TET2: variants seen among roughly 807,000 people sequenced by gnomAD.
TET2 encodes methylcytosine dioxygenase TET2.
A neutral mutation model predicts 142.9 loss-of-function variants in TET2; 299 were observed. The ratio of observed to expected loss-of-function variants is 2.09; its 90% confidence interval spans 1.90 to 2.30. The LOEUF is 2.30. Among genes scored for constraint, TET2 ranks in the 30% most tolerant of loss-of-function variants. TET2 has a pLI of 0.00. For missense variants in TET2, 2,418 were observed against 2,378.0 expected (o/e 1.02, Z -0.35); for synonymous variants, 819 against 849.0 (o/e 0.96, Z 0.61).
chr4:105,220,207 C>A (rs540527743), intron 2 of TET2, among the ~76,000 whole-genome samples: 1 of 152,008 alleles, frequency 6.6e-6, no homozygotes, highest in Non-Finnish European at 1.5e-5. Context: ...ATTATTAGAA[C>A]CCATTTGTTG....
At chr4:105,157,291 A>C (rs970374632) in intron 1 of TET2, among the ~76,000 whole-genome samples, 2 of 152,194 alleles carry the variant, frequency 1.3e-5, no homozygotes, top group African/African-American at 2.4e-5. Flanking sequence ...AAAAAATCTC[A>C]CAACTAAAGA....
rs1553914144 is a variant in TET2, at chr4:105,236,187, CAAAT to C, written c.2249_2252del (p.Ile750ArgfsTer62). The C allele has an allele frequency of 1.2e-6, 2 of 1,613,858 alleles. No homozygotes were observed. Among genetic ancestry groups the C allele is most frequent in the Non-Finnish European group, 1.7e-6 (2 of 1,179,980 alleles). On this transcript the variant is annotated frameshift_variant, in exon 3 of 11. Coordinates refer to ENST00000380013, the MANE Select transcript of TET2 (RefSeq NM_001127208.3). LOFTEE classifies it high-confidence loss of function. ...AAACCAGCAACAGCAGCAAAAATTA[CAAAT>C]AAAGAATAAAGAGGAAATACTCCAG...
intron 1 of TET2, among the ~76,000 whole-genome samples, chr4:105,184,659 A>G (rs1019270619): frequency 6.6e-6 from 1 of 152,192 alleles, no homozygotes; most frequent in African/African-American, 2.4e-5. Flanking sequence ...CAAGTAGCTG[A>G]CATTCTGAAA....
chr4:105,160,759 G>T (rs983887717), intron 1 of TET2, among the ~76,000 whole-genome samples: 25 of 151,338 alleles, frequency 1.7e-4, no homozygotes, highest in African/African-American at 3.9e-4. Context: ...TTTTTTGGGG[G>T]TTTTTTGGTT....
rs1188062738 is a variant in TET2, at chr4:105,235,449, G to A, written c.1507G>A (p.Glu503Lys). ...GACAATGACTGTTCCATTGTGTTCT[G>A]AGAAAACAAGACCAATGTCAGAACA... ...AGTMTVPLCS[E>K]KTRPMSEHLK... Residue 503 changes from glutamate (E) to lysine (K), a missense_variant, in exon 3 of 11, where the codon GAG becomes AAG. Glu to Lys is a moderately conservative substitution (Grantham distance 56). Transcript: ENST00000380013. 6.2e-7 allele frequency: 1 copy of A among 1,614,154 alleles called. No homozygotes were observed. Among genetic ancestry groups the A allele is most frequent in the South Asian group, 1.1e-5 (1 of 91,082 alleles).
chr4:105,259,573 A>C, intron 6 of TET2, 46 bp from the exon 7 acceptor site: 1 of 1,540,914 alleles, frequency 6.5e-7, no homozygotes, highest in Non-Finnish European at 8.8e-7. Flanking sequence ...TGCACAGCCT[A>C]TATAATGCTA....
chr4:105,261,372 A>C (rs555179859), intron 7 of TET2, among the ~76,000 whole-genome samples: 3 of 152,252 alleles, frequency 2.0e-5, no homozygotes, highest in African/African-American at 7.2e-5. Context: ...TAAACATAAA[A>C]TGTAAAGATT....
intron 2 of TET2, among the ~76,000 whole-genome samples, chr4:105,199,710 T>G (rs1180360249): frequency 6.6e-6 from 1 of 152,148 alleles, no homozygotes; most frequent in Non-Finnish European, 1.5e-5. Context: ...CACCCTCTGA[T>G]AGGCCCCGGT....
Position 105,236,226 on chromosome 4 carries a change from C to T in TET2, c.2284C>T (p.His762Tyr), listed in dbSNP as rs1728886767. 2 of 1,614,124 alleles carry T rather than the reference C, an allele frequency of 1.2e-6. No homozygotes were observed. The highest frequency in any genetic ancestry group is 1.7e-6 in the Non-Finnish European group (2 of 1,180,026). The change falls in exon 3 of 11, where the codon CAC becomes TAC. Residue 762 changes from histidine (H) to tyrosine (Y), a missense_variant. Physicochemically the swap from His to Tyr is moderately conservative, Grantham distance 83 (BLOSUM62 2). Coordinates refer to ENST00000380013, the MANE Select transcript of TET2 (RefSeq NM_001127208.3). ...AGAGGAAATACTCCAGACTTTTCCTCACCCCCAAAGCAACAATGATCAGCA... is the reference window on the plus strand; with the variant it reads ...AGAGGAAATACTCCAGACTTTTCCTTACCCCCAAAGCAACAATGATCAGCA... ...NKEEILQTFP[H>Y]PQSNNDQQRE...
intron 1 of TET2, among the ~76,000 whole-genome samples, chr4:105,173,766 A>G (rs1724617635): frequency 1.3e-5 from 2 of 152,230 alleles, no homozygotes; most frequent in Admixed American, 6.5e-5. Context: ...AAATTAAAAC[A>G]TTTATAAAAT....
intron 1 of TET2, among the ~76,000 whole-genome samples, chr4:105,184,954 C>T (rs1297252432): frequency 1.3e-5 from 2 of 152,188 alleles, no homozygotes; most frequent in East Asian, 1.9e-4. Flanking sequence ...TGAAGGTGTA[C>T]TAATATCACA....
intron 1 of TET2, among the ~76,000 whole-genome samples, chr4:105,156,761 A>G (rs990470833): frequency 6.6e-6 from 1 of 152,216 alleles, no homozygotes; most frequent in Non-Finnish European, 1.5e-5. Flanking sequence ...CACCCATTAA[A>G]TACCATAATT....
intron 1 of TET2, among the ~76,000 whole-genome samples, chr4:105,186,818 A>G (rs1298826689): frequency 6.6e-6 from 1 of 152,108 alleles, no homozygotes; most frequent in Non-Finnish European, 1.5e-5. Context: ...CAAAACATGT[A>G]TATAAGCCTG....
At chr4:105,150,923 A>C (rs558330937) in intron 1 of TET2, among the ~76,000 whole-genome samples, 1 of 152,354 alleles carries the variant, frequency 6.6e-6, no homozygotes, top group East Asian at 1.9e-4. Flanking sequence ...TGCTATTTCC[A>C]GCATTATTTT....
chr4:105,194,500 CTT>C (rs1725966751), intron 2 of TET2, among the ~76,000 whole-genome samples: 1 of 152,094 alleles, frequency 6.6e-6, no homozygotes, highest in South Asian at 2.1e-4. Context: ...AAATCACACT[CTT>C]TGCTTGATTT....
At position 105,233,909 on chromosome 4, in the gene TET2, G is replaced by C. The variant is rs762224280; in HGVS notation, c.-34G>C. ...CCATGCTCTTTAGAATTCAACTAGA[G>C]GGCAGCCTTGTGGATGGCCCCGAAG... On this transcript the variant is annotated 5_prime_UTR_variant, in exon 3 of 11. Coordinates refer to ENST00000380013, the MANE Select transcript of TET2 (RefSeq NM_001127208.3). The C allele has an allele frequency of 3.2e-6, 5 of 1,573,326 alleles. No individual in the cohort carries two copies. The South Asian group carries it at 5.9e-5, about 19-fold the overall frequency.
intron 4 of TET2, chr4:105,241,883 A>G (rs1465015875): frequency 8.0e-7 from 1 of 1,247,138 alleles, no homozygotes; most frequent in Non-Finnish European, 1.0e-6. Flanking sequence ...TTACCATAAA[A>G]AGAGAGCAAG....
chr4:105,184,045 C>T (rs1169506929), intron 1 of TET2, among the ~76,000 whole-genome samples: 1 of 152,102 alleles, frequency 6.6e-6, no homozygotes, highest in East Asian at 1.9e-4. Flanking sequence ...TTGAGCACAT[C>T]CTTCATTGGC....
chr4:105,274,743 G>A (rs1238920770), intron 10 of TET2, among the ~76,000 whole-genome samples: 1 of 152,076 alleles, frequency 6.6e-6, no homozygotes, highest in African/African-American at 2.4e-5. Context: ...AGAGAGGGAG[G>A]AAAAGGGAGG....
Sources: allele counts gnomAD v4.1 joint callset (sites outside exome capture counted in the v4.1 genomes callset), GRCh38; gene constraint gnomAD v4.1.1; transcripts MANE v1.5; gene names NCBI Gene and HGNC (gene_info 2026-07-23, HGNC 2026-07-21).